Variants in KAZN observed in about 807,000 individuals in gnomAD.
The protein encoded by KAZN is kazrin, periplakin interacting protein.
KAZN carries 40 observed loss-of-function variants against 87.4 expected under a neutral mutation model. The ratio of observed to expected loss-of-function variants is 0.46; its 90% CI spans 0.36 to 0.60. The LOEUF is 0.60. Among genes scored for constraint, KAZN ranks in the 20% least tolerant of loss-of-function variants. The pLI is 0.00. For missense variants in KAZN, 898 were observed against 1,073.9 expected (o/e 0.84, Z 2.29); for synonymous variants, 466 against 458.3 (o/e 1.02, Z -0.22).
At chr1:14,296,629 CTTTTTT>C (rs775666706) in intron 2 of KAZN, among the ~76,000 whole-genome samples, 20 of 82,764 alleles carry the variant, frequency 2.4e-4, no homozygotes, top group South Asian at 1.0e-3. Flanking sequence ...TTTTGTATTT[CTTTTTT>C]TTTTTTTTTT....
chr1:14,876,301 C>T (rs563114617), intron 1 of KAZN, among the ~76,000 whole-genome samples: 3 of 152,338 alleles, frequency 2.0e-5, no homozygotes, highest in East Asian at 1.9e-4. Context: ...TTATTACATG[C>T]GCAAATGCAG....
At chr1:14,030,097 C>T (rs1176712954) in intron 1 of KAZN, among the ~76,000 whole-genome samples, 5 of 151,528 alleles carry the variant, frequency 3.3e-5, no homozygotes, top group Non-Finnish European at 5.9e-5. Context: ...TTGATTCTTC[C>T]TACCCATGAG....
At chr1:14,902,517 C>T (rs1052202528) in intron 1 of KAZN, among the ~76,000 whole-genome samples, 10 of 152,244 alleles carry the variant, frequency 6.6e-5, no homozygotes, top group Middle Eastern at 3.4e-3. Context: ...CGTGAGCCAC[C>T]GCGCCCAGCC....
At chr1:14,076,757 A>G (rs1643475269) in intron 1 of KAZN, among the ~76,000 whole-genome samples, 1 of 152,156 alleles carries the variant, frequency 6.6e-6, no homozygotes, top group Non-Finnish European at 1.5e-5. Flanking sequence ...TGCAAAGCCT[A>G]AAATATTTAT....
At chr1:14,581,297 G>A (rs1675531832) in intron 2 of KAZN, among the ~76,000 whole-genome samples, 1 of 152,120 alleles carries the variant, frequency 6.6e-6, no homozygotes, top group Non-Finnish European at 1.5e-5. Flanking sequence ...TTAAATACAA[G>A]CATTCAGGTC....
intron 1 of KAZN, among the ~76,000 whole-genome samples, chr1:14,148,730 A>T (rs1292525784): frequency 6.6e-6 from 1 of 152,198 alleles, no homozygotes; most frequent in Non-Finnish European, 1.5e-5. Context: ...GGAATTATGT[A>T]CATGTGGATG....
chr1:14,825,117 C>T (rs1481441903), intron 1 of KAZN, among the ~76,000 whole-genome samples: 1 of 152,260 alleles, frequency 6.6e-6, no homozygotes, highest in Non-Finnish European at 1.5e-5. Context: ...CAGGGAATTT[C>T]AGAGTCTCGC....
intron 1 of KAZN, among the ~76,000 whole-genome samples, chr1:13,932,649 G>T (rs1640571368): frequency 6.6e-6 from 1 of 152,198 alleles, no homozygotes; most frequent in African/African-American, 2.4e-5. Flanking sequence ...AGGAAATAGA[G>T]ACCTGGAGGG....
At chr1:14,493,353 T>C (rs775047063) in intron 2 of KAZN, among the ~76,000 whole-genome samples, 1 of 152,092 alleles carries the variant, frequency 6.6e-6, no homozygotes, top group Non-Finnish European at 1.5e-5. Flanking sequence ...GTTGTGATGG[T>C]TCTACAGAAT....
intron 2 of KAZN, among the ~76,000 whole-genome samples, chr1:14,317,798 G>GA (rs553903664): frequency 2.3e-4 from 34 of 149,776 alleles, no homozygotes; most frequent in African/African-American, 4.4e-4. Flanking sequence ...ACATTGATGA[G>GA]AAAAAAAAAC....
chr1:14,622,689 C>CAAAAA (rs3087165), intron 1 of KAZN, among the ~76,000 whole-genome samples: 30 of 113,454 alleles, frequency 2.6e-4, no homozygotes, highest in African/African-American at 1.0e-3. Context: ...GACTCCATCT[C>CAAAAA]AAAAAAAAAA....
At chr1:14,307,356 G>C (rs926782682) in intron 2 of KAZN, among the ~76,000 whole-genome samples, 2 of 152,136 alleles carry the variant, frequency 1.3e-5, no homozygotes, top group Non-Finnish European at 2.9e-5. Flanking sequence ...TTATAAAGTC[G>C]TTTCAGCCCT....
In KAZN at chr1:14,737,922, C is replaced by CT. The variant is rs534881883; in HGVS notation, c.226+138706dup. 3.4e-3 allele frequency among the ~76,000 whole-genome samples: 522 copies of CT among 152,226 alleles called. 6 individuals carry two copies. The highest frequency in any genetic ancestry group is 0.011 in the African/African-American group (469 of 41,536). ...TGATTAGGTCAGGCCCACCTGGATGCTTTTTTTAAATAAAGAGCTCAAAGT... is the reference window on the plus strand; with the variant it reads ...TGATTAGGTCAGGCCCACCTGGATGCTTTTTTTTAAATAAAGAGCTCAAAGT... On this transcript the variant is annotated intron_variant, in intron 1 of 14. Coordinates refer to ENST00000376030, the MANE Select transcript of KAZN (RefSeq NM_201628.3).
At chr1:14,456,342 T>C (rs989711659) in intron 2 of KAZN, among the ~76,000 whole-genome samples, 2 of 152,228 alleles carry the variant, frequency 1.3e-5, no homozygotes, top group Non-Finnish European at 2.9e-5. Flanking sequence ...GAAATGGGTC[T>C]CTCTTGTTTA....
At chr1:14,391,077 T>A (rs1662377436) in intron 2 of KAZN, among the ~76,000 whole-genome samples, 1 of 152,196 alleles carries the variant, frequency 6.6e-6, no homozygotes, top group Admixed American at 6.5e-5. Flanking sequence ...GCTGATGTGA[T>A]GAACATCAAC....
chr1:14,549,253 C>G, intron 2 of KAZN, among the ~76,000 whole-genome samples: 1 of 152,128 alleles, frequency 6.6e-6, no homozygotes, highest in African/African-American at 2.4e-5. Context: ...TATCGATGCC[C>G]CTCCTTTCTC....
chr1:14,373,233 A>T (rs1557671359), intron 2 of KAZN, among the ~76,000 whole-genome samples: 1 of 151,766 alleles, frequency 6.6e-6, no homozygotes, highest in Admixed American at 6.6e-5. Context: ...ATATGCACAC[A>T]TATAATTATA....
At chr1:14,333,041 C>T (rs2100876786) in intron 2 of KAZN, among the ~76,000 whole-genome samples, 1 of 152,250 alleles carries the variant, frequency 6.6e-6, no homozygotes, top group East Asian at 1.9e-4. Flanking sequence ...CTACCCCCAT[C>T]CCACTCCCTG....
At chr1:14,585,852 G>C (rs372796025) in intron 2 of KAZN, among the ~76,000 whole-genome samples, 2 of 152,268 alleles carry the variant, frequency 1.3e-5, no homozygotes. Flanking sequence ...CCACATCCCC[G>C]AGGGAAGATG....
Sources: allele counts gnomAD v4.1 joint callset (sites outside exome capture counted in the v4.1 genomes callset), GRCh38; gene constraint gnomAD v4.1.1; transcripts MANE v1.5; gene names NCBI Gene and HGNC (gene_info 2026-07-23, HGNC 2026-07-21).